The following COG5 variants were observed in gnomAD, a reference collection of about 807,000 sequenced individuals.
COG5 encodes conserved oligomeric Golgi complex subunit 5.
In COG5, 86 loss-of-function variants were observed where a neutral mutation model predicts 110.4. The observed-to-expected ratio is 0.78, with a 90% CI of 0.65 to 0.93. COG5 has a LOEUF of 0.93. Ranked by LOEUF, COG5 falls within the 40% of genes least tolerant of loss-of-function variation. The pLI, the probability that COG5 is intolerant of heterozygous loss-of-function variation, is 0.00. For synonymous variants in COG5, 360 were observed against 334.6 expected, an observed-to-expected ratio of 1.08 and a Z score of -0.83; for missense variants, 1,077 against 987.0, an observed-to-expected ratio of 1.09 and a Z score of -1.22.
chr7:107,401,944 C>CT (rs1313248793), intron 7 of COG5, among the ~76,000 whole-genome samples: 1 of 152,166 alleles, frequency 6.6e-6, no homozygotes, highest in Non-Finnish European at 1.5e-5. Flanking sequence ...TAAGATAATG[C>CT]TTAACTTCCA....
At chr7:107,221,049 T>G (rs1260308703) in intron 19 of COG5, among the ~76,000 whole-genome samples, 1 of 152,034 alleles carries the variant, frequency 6.6e-6, no homozygotes. Flanking sequence ...ATTCCTGACC[T>G]CAAGTGATCT....
chr7:107,420,906 G>A (rs1488523565), intron 6 of COG5, among the ~76,000 whole-genome samples: 1 of 152,066 alleles, frequency 6.6e-6, no homozygotes, highest in African/African-American at 2.4e-5. Context: ...CATCTTTCTT[G>A]TTCTTCAAAG....
At chr7:107,401,395 G>A (rs1333627945) in intron 7 of COG5, among the ~76,000 whole-genome samples, 3 of 151,960 alleles carry the variant, frequency 2.0e-5, no homozygotes, top group Admixed American at 1.3e-4. Context: ...AGAAATTGCC[G>A]AAGAGTAACT....
At position 107,222,206 on chromosome 7, in the gene COG5, T is replaced by C. The variant is rs375767964; in HGVS notation, c.2168+8409A>G. Among the ~76,000 whole-genome samples the C allele has an allele frequency of 1.0e-2, 1,421 of 142,558 alleles. 18 individuals are homozygous for C. The highest frequency in any genetic ancestry group is 0.031 in the African/African-American group (1,231 of 39,214). The allele number at this position is 142,558 out of a possible 152,430, so 93.5% of individuals were successfully genotyped here. On this transcript the variant is annotated intron_variant, in intron 19 of 21. Transcript: ENST00000297135. ...TTCTGGGTAATCACCTGTCCCCCCC[T>C]TTTTTTTTTTTGAGATGGAGTCTCG...
chr7:107,523,014 T>C (rs977427303), intron 6 of COG5, among the ~76,000 whole-genome samples: 1 of 152,208 alleles, frequency 6.6e-6, no homozygotes, highest in Non-Finnish European at 1.5e-5. Flanking sequence ...AATTTCTATA[T>C]GAATTTTAAA....
At chr7:107,439,781 G>T (rs1174698892) in intron 6 of COG5, among the ~76,000 whole-genome samples, 2 of 152,138 alleles carry the variant, frequency 1.3e-5, no homozygotes, top group Non-Finnish European at 2.9e-5. Context: ...TGGGCAAAAG[G>T]AAGTAGAAGT....
At chr7:107,308,193 G>A (rs1161366133) in intron 11 of COG5, among the ~76,000 whole-genome samples, 1 of 152,162 alleles carries the variant, frequency 6.6e-6, no homozygotes, top group African/African-American at 2.4e-5. Context: ...CTCTGATCCT[G>A]TATTTCCTGT....
intron 17 of COG5, among the ~76,000 whole-genome samples, chr7:107,241,646 G>T (rs940400915): frequency 4.6e-5 from 7 of 151,864 alleles, no homozygotes; most frequent in African/African-American, 1.7e-4. Flanking sequence ...TAGAGACGGG[G>T]TTTCACCGTG....
chr7:107,378,876 C>T (rs185800349), intron 7 of COG5, among the ~76,000 whole-genome samples: 2 of 152,292 alleles, frequency 1.3e-5, no homozygotes, highest in African/African-American at 2.4e-5. Flanking sequence ...AGAACTTCCC[C>T]AACCTAGCAA....
intron 10 of COG5, among the ~76,000 whole-genome samples, chr7:107,332,548 C>T (rs1183726369): frequency 6.6e-6 from 1 of 151,916 alleles, no homozygotes; most frequent in Non-Finnish European, 1.5e-5. Context: ...AGTGGGAATA[C>T]CTGAGGGAGG....
At chr7:107,327,734 CA>C (rs571639728) in intron 10 of COG5, among the ~76,000 whole-genome samples, 1 of 152,222 alleles carries the variant, frequency 6.6e-6, no homozygotes, top group South Asian at 2.1e-4. Context: ...AAATGCAAAT[CA>C]AAACCATACT....
chr7:107,532,482 C>A (rs1034500926), intron 5 of COG5, among the ~76,000 whole-genome samples: 6 of 152,140 alleles, frequency 3.9e-5, no homozygotes, highest in African/African-American at 1.2e-4. Flanking sequence ...ATTTATGCCA[C>A]AATACACATA....
intron 6 of COG5, among the ~76,000 whole-genome samples, chr7:107,469,510 C>T (rs887926500): frequency 1.3e-5 from 2 of 151,772 alleles, no homozygotes; most frequent in African/African-American, 4.8e-5. Context: ...GAATGAATAC[C>T]CAAATGAATG....
At chr7:107,222,847 T>C (rs1800040779) in intron 19 of COG5, among the ~76,000 whole-genome samples, 1 of 152,122 alleles carries the variant, frequency 6.6e-6, no homozygotes, top group African/African-American at 2.4e-5. Flanking sequence ...GGGTGAACTT[T>C]ACAGGCAGAA....
intron 5 of COG5, among the ~76,000 whole-genome samples, chr7:107,542,933 T>C (rs915127726): frequency 2.7e-5 from 4 of 149,488 alleles, no homozygotes; most frequent in East Asian, 2.0e-4. Flanking sequence ...GATCGCTCCA[T>C]TGCATTCCAG....
intron 6 of COG5, among the ~76,000 whole-genome samples, chr7:107,515,218 G>T (rs1563077350): frequency 6.6e-6 from 1 of 152,024 alleles, no homozygotes; most frequent in Non-Finnish European, 1.5e-5. Context: ...GTCAAAAATA[G>T]ATTAGATAAT....
chr7:107,549,230 C>T (rs573977900), intron 3 of COG5: 1 of 152,094 alleles, frequency 6.6e-6, no homozygotes, highest in Non-Finnish European at 1.5e-5. Flanking sequence ...TCTCCACAAC[C>T]CAGTCTCAAT....
At chr7:107,537,561 G>A (rs1485966476) in intron 5 of COG5, among the ~76,000 whole-genome samples, 1 of 151,966 alleles carries the variant, frequency 6.6e-6, no homozygotes, top group Non-Finnish European at 1.5e-5. Context: ...CACAGGGAGG[G>A]GAATATCACA....
chr7:107,419,455 A>T (rs1375567629), intron 6 of COG5, among the ~76,000 whole-genome samples: 1 of 152,006 alleles, frequency 6.6e-6, no homozygotes, highest in Non-Finnish European at 1.5e-5. Flanking sequence ...CCAATTATCT[A>T]TTTTTTTCTA....
Sources: allele counts gnomAD v4.1 joint callset (sites outside exome capture counted in the v4.1 genomes callset), GRCh38; gene constraint gnomAD v4.1.1; transcripts MANE v1.5; gene names NCBI Gene and HGNC (gene_info 2026-07-23, HGNC 2026-07-21).